The following DOCK3 variants were observed in gnomAD, a reference collection of about 807,000 sequenced individuals.
DOCK3 encodes the protein dedicator of cytokinesis protein 3.
In DOCK3, 60 loss-of-function variants were observed where a neutral mutation model predicts 265.6. The ratio of observed to expected loss-of-function variants is 0.23; its 90% CI spans 0.18 to 0.28. The LOEUF (loss-of-function observed/expected upper bound fraction) is 0.28. DOCK3 is among the 10% of genes least tolerant of loss of function. The pLI is 1.00. For synonymous variants in DOCK3, 881 were observed against 938.0 expected (o/e 0.94, Z 1.11); for missense variants, 1,981 against 2,594.3 (o/e 0.76, Z 5.14).
intron 2 of DOCK3, among the ~76,000 whole-genome samples, chr3:50,825,474 C>G (rs920200485): frequency 1.3e-5 from 2 of 152,162 alleles, no homozygotes; most frequent in Non-Finnish European, 2.9e-5. Context: ...TACTTCATCT[C>G]ATTTGATGGC....
At chr3:51,321,857 C>T (rs372659130) in intron 32 of DOCK3, among the ~76,000 whole-genome samples, 6 of 152,228 alleles carry the variant, frequency 3.9e-5, no homozygotes, top group East Asian at 3.9e-4. Context: ...GTTTGATTGG[C>T]GTACCTGAAA....
At chr3:50,728,131 G>A (rs1466295303) in intron 1 of DOCK3, among the ~76,000 whole-genome samples, 3 of 151,956 alleles carry the variant, frequency 2.0e-5, no homozygotes, top group Admixed American at 1.3e-4. Context: ...AATAAAAACC[G>A]TAAAATAATC....
chr3:50,721,695 T>C (rs2037482272), intron 1 of DOCK3, among the ~76,000 whole-genome samples: 2 of 152,242 alleles, frequency 1.3e-5, no homozygotes, highest in African/African-American at 4.8e-5. Context: ...TGGTTTCATA[T>C]GAATTTTAGA....
At chr3:50,771,260 C>T (rs2041256632) in intron 1 of DOCK3, among the ~76,000 whole-genome samples, 1 of 152,014 alleles carries the variant, frequency 6.6e-6, no homozygotes, top group Non-Finnish European at 1.5e-5. Context: ...GGAAAAAAAT[C>T]CAATAATCTG....
intron 1 of DOCK3, among the ~76,000 whole-genome samples, chr3:50,711,165 T>A (rs1217297714): frequency 6.6e-6 from 1 of 152,124 alleles, no homozygotes; most frequent in African/African-American, 2.4e-5. Flanking sequence ...ATGGTTTTTG[T>A]CCTTTATTAG....
At chr3:50,958,465 C>T (rs1013232525) in intron 5 of DOCK3, among the ~76,000 whole-genome samples, 2 of 151,976 alleles carry the variant, frequency 1.3e-5, no homozygotes, top group African/African-American at 4.8e-5. Context: ...GCCTCTGTGC[C>T]CTCTCATCTT....
intron 12 of DOCK3, among the ~76,000 whole-genome samples, chr3:51,170,884 A>G (rs907520580): frequency 3.3e-5 from 5 of 150,148 alleles, no homozygotes; most frequent in Non-Finnish European, 7.4e-5. Flanking sequence ...CAGAGATTGC[A>G]GTGAGCCAAG....
intron 2 of DOCK3, among the ~76,000 whole-genome samples, chr3:50,801,816 AT>A (rs1403186280): frequency 6.6e-6 from 1 of 152,050 alleles, no homozygotes; most frequent in Non-Finnish European, 1.5e-5. Context: ...CACAGCTATT[AT>A]TGTATTTGGA....
chr3:51,294,677 CAAAAAAAAAA>C lies in DOCK3; in HGVS notation c.2922+14493_2922+14502del, dbSNP rs59339067. 1.0e-3 allele frequency among the ~76,000 whole-genome samples: 123 copies of C among 119,856 alleles called. 1 individual carries two copies. Among genetic ancestry groups the C allele is most frequent in the African/African-American group, 3.8e-3 (118 of 31,252 alleles). 78.6% of individuals were successfully genotyped at this position (119,856 alleles called of 152,430 possible). On this transcript the variant is annotated intron_variant, in intron 27 of 52. Transcript: ENST00000266037. ...TGGGCGACAGAGAGAGACTCTATCT[CAAAAAAAAAA>C]AAAAAAAAAAAAAAAAAAATTGAAC...
chr3:50,911,188 C>T (rs1485833771), intron 4 of DOCK3, among the ~76,000 whole-genome samples: 1 of 151,956 alleles, frequency 6.6e-6, no homozygotes, highest in Admixed American at 6.6e-5. Context: ...TCTGTTTTTG[C>T]TTTTGTTATT....
At chr3:51,309,138 A>G (rs1445149767) in intron 27 of DOCK3, among the ~76,000 whole-genome samples, 2 of 148,690 alleles carry the variant, frequency 1.3e-5, no homozygotes, top group African/African-American at 2.5e-5. Flanking sequence ...CATCCCAGAC[A>G]ATGGGCAGCC....
chr3:50,859,910 A>G (rs929803135), intron 3 of DOCK3, among the ~76,000 whole-genome samples: 4 of 152,018 alleles, frequency 2.6e-5, no homozygotes, highest in African/African-American at 9.7e-5. Context: ...GCTGGCTGTA[A>G]TTTATGACTT....
At chr3:51,115,418 G>A (rs78234415) in intron 9 of DOCK3, among the ~76,000 whole-genome samples, 3,800 of 152,154 alleles carry the variant, frequency 0.025, 184 homozygotes, top group African/African-American at 0.087. Context: ...TTTTTCATAT[G>A]CTTGTTGACT....
intron 7 of DOCK3, among the ~76,000 whole-genome samples, chr3:51,088,848 G>A (rs191070022): frequency 2.6e-5 from 4 of 152,282 alleles, no homozygotes; most frequent in South Asian, 4.1e-4. Flanking sequence ...TTGGGAGGGA[G>A]CCCTTTATTG....
chr3:50,743,772 T>C (rs562568597), intron 1 of DOCK3, among the ~76,000 whole-genome samples: 2 of 152,328 alleles, frequency 1.3e-5, no homozygotes, highest in South Asian at 4.1e-4. Flanking sequence ...TTTCTGGGGT[T>C]ATTTTGGTGT....
intron 9 of DOCK3, among the ~76,000 whole-genome samples, chr3:51,096,909 C>T (rs1382025036): frequency 2.0e-5 from 3 of 152,138 alleles, no homozygotes; most frequent in Non-Finnish European, 4.4e-5. Flanking sequence ...GCAGGAGGTC[C>T]TTTCTAGACC....
intron 2 of DOCK3, among the ~76,000 whole-genome samples, chr3:50,834,681 T>C (rs1428013082): frequency 5.3e-5 from 8 of 152,196 alleles, no homozygotes; most frequent in Non-Finnish European, 1.0e-4. Flanking sequence ...TTTAGACACT[T>C]CATATTAGAA....
At chr3:50,795,977 A>G (rs1017963804) in intron 2 of DOCK3, among the ~76,000 whole-genome samples, 16 of 151,248 alleles carry the variant, frequency 1.1e-4, no homozygotes, top group African/African-American at 3.9e-4. Flanking sequence ...CATGTTCTGA[A>G]TTATATTTCT....
Position 50,730,231 on chromosome 3 carries a change from T to C in DOCK3, c.38-48444T>C, listed in dbSNP as rs1286760305. On this transcript the variant is annotated intron_variant, in intron 1 of 52. Coordinates refer to ENST00000266037, the MANE Select transcript of DOCK3 (RefSeq NM_004947.5). ...ATCTCAGCTCACTGCAACCTCTGCC[T>C]CTCAGGTTCAAGCGATTCTCCTGCC... Among the ~76,000 whole-genome samples the C allele has an allele frequency of 2.0e-5, 3 of 151,924 alleles. No individual in the cohort carries two copies. In the South Asian group the frequency reaches 6.2e-4, roughly 32 times the overall value.
Sources: gnomAD v4.1 joint callset for allele counts (sites outside exome capture counted in the v4.1 genomes callset) on GRCh38, gnomAD v4.1.1 for gene constraint, MANE v1.5 for transcripts, NCBI Gene and HGNC (gene_info 2026-07-23, HGNC 2026-07-21) for gene names.